SPMIP4: variants seen among roughly 807,000 people sequenced by gnomAD.
SPMIP4 encodes the protein sperm-associated microtubule inner protein 4.
the SPMIP4 span, among the ~76,000 whole-genome samples, chr7:25,129,540 C>CT: frequency 6.6e-6 from 1 of 152,152 alleles, no homozygotes; most frequent in African/African-American, 2.4e-5. Context: ...CCAAGACTGC[C>CT]TTTTTTACCC....
the SPMIP4 span, among the ~76,000 whole-genome samples, chr7:25,139,307 A>G: frequency 4.6e-5 from 7 of 152,186 alleles, no homozygotes; most frequent in East Asian, 1.3e-3. Flanking sequence ...ATGGATGGTT[A>G]GAGGGATGGA....
chr7:25,151,382 C>T, the SPMIP4 span, among the ~76,000 whole-genome samples: 3 of 151,970 alleles, frequency 2.0e-5, no homozygotes, highest in East Asian at 1.9e-4. Flanking sequence ...CCACCACACC[C>T]GGCTAATTTT....
chr7:25,154,123 G>T, the SPMIP4 span, among the ~76,000 whole-genome samples: 1 of 152,178 alleles, frequency 6.6e-6, no homozygotes, highest in African/African-American at 2.4e-5. Flanking sequence ...TAGAATCCAT[G>T]CTCTTACATA....
the SPMIP4 span, among the ~76,000 whole-genome samples, chr7:25,139,386 T>C: frequency 6.6e-6 from 1 of 152,012 alleles, no homozygotes; most frequent in Non-Finnish European, 1.5e-5. Flanking sequence ...GTGGTGAGTA[T>C]ATGGGTGTTA....
the SPMIP4 span, among the ~76,000 whole-genome samples, chr7:25,141,895 G>A: frequency 1.3e-5 from 2 of 151,980 alleles, no homozygotes; most frequent in African/African-American, 2.4e-5. Context: ...GTGCCACCAC[G>A]CCTGGCTAAT....
the SPMIP4 span, among the ~76,000 whole-genome samples, chr7:25,139,051 T>C: frequency 6.6e-6 from 1 of 152,296 alleles, no homozygotes; most frequent in African/African-American, 2.4e-5. Flanking sequence ...TCTGGAATGA[T>C]AGTATTCTGT....
At chr7:25,136,789 T>A in the SPMIP4 span, 1 of 1,607,722 alleles carries the variant, frequency 6.2e-7, no homozygotes, top group Non-Finnish European at 8.5e-7. This position sits in a 1 kb window ranked among gnomAD's most constrained non-coding sequence, Gnocchi z 5.7. Flanking sequence ...GTGGAATTTT[T>A]CTTGCTGTAG....
At chr7:25,155,011 C>CT in the SPMIP4 span, 1 of 1,610,726 alleles carries the variant, frequency 6.2e-7, no homozygotes, top group South Asian at 1.1e-5. Flanking sequence ...CACATTTTAC[C>CT]TCTTGTCTTC....
chr7:25,159,745 G>A, the SPMIP4 span, among the ~76,000 whole-genome samples: 1 of 151,990 alleles, frequency 6.6e-6, no homozygotes, highest in Admixed American at 6.5e-5. Context: ...CTGTGGGCAC[G>A]AAACTAAAAA....
the SPMIP4 span, chr7:25,158,368 CAAA>C: frequency 0.011 from 3,158 of 298,360 alleles, no homozygotes; most frequent in East Asian, 0.019. Context: ...GACTCTGTCT[CAAA>C]AAAAAAAAAA....
the SPMIP4 span, among the ~76,000 whole-genome samples, chr7:25,171,793 C>T: frequency 6.6e-6 from 1 of 152,196 alleles, no homozygotes; most frequent in Non-Finnish European, 1.5e-5. Context: ...AGACCATCTA[C>T]ACAAGAAGCT....
At chr7:25,172,247 C>T in the SPMIP4 span, among the ~76,000 whole-genome samples, 1 of 152,130 alleles carries the variant, frequency 6.6e-6, no homozygotes, top group East Asian at 1.9e-4. The surrounding 1 kb of genome is among the most constrained non-coding windows in gnomAD (Gnocchi z 4.2). Flanking sequence ...CTCAAGCAAG[C>T]TCAGACTGAT....
the SPMIP4 span, among the ~76,000 whole-genome samples, chr7:25,172,467 T>G: frequency 7.2e-5 from 11 of 152,096 alleles, no homozygotes; most frequent in Non-Finnish European, 1.2e-4. The surrounding 1 kb of genome is among the most constrained non-coding windows in gnomAD (Gnocchi z 4.2). Flanking sequence ...TAACAAGGTG[T>G]TTTGGTTACA....
the SPMIP4 span, among the ~76,000 whole-genome samples, chr7:25,165,004 AT>A: frequency 6.6e-5 from 10 of 152,082 alleles, no homozygotes; most frequent in Non-Finnish European, 1.0e-4. Context: ...TCTATGCCAC[AT>A]TTTCTCCATC....
chr7:25,145,062 A>C, the SPMIP4 span, among the ~76,000 whole-genome samples: 1 of 151,156 alleles, frequency 6.6e-6, no homozygotes. Flanking sequence ...TCCCGGGTTC[A>C]AGTGATTCTC....
At chr7:25,168,220 G>A in the SPMIP4 span, 2 of 1,327,686 alleles carry the variant, frequency 1.5e-6, no homozygotes, top group Non-Finnish European at 1.0e-6. Context: ...GCAAACAAAG[G>A]ACTCACAATG....
the SPMIP4 span, chr7:25,136,521 G>A: frequency 1.9e-6 from 3 of 1,614,126 alleles, no homozygotes; most frequent in Non-Finnish European, 2.5e-6. The surrounding 1 kb of genome is among the most constrained non-coding windows in gnomAD (Gnocchi z 5.7). Flanking sequence ...GGAGTTCATA[G>A]GTAGACAGCA....
the SPMIP4 span, among the ~76,000 whole-genome samples, chr7:25,148,833 CATTTA>C: frequency 8.5e-5 from 13 of 152,254 alleles, no homozygotes; most frequent in African/African-American, 3.1e-4. Context: ...GAATTTAAAG[CATTTA>C]ATTAAACAAA....
At chr7:25,177,983 T>C in the SPMIP4 span, among the ~76,000 whole-genome samples, 2 of 152,184 alleles carry the variant, frequency 1.3e-5, no homozygotes, top group African/African-American at 4.8e-5. Context: ...AAGTAGGCCT[T>C]GGTGTCTGTG....
Sources: gnomAD v4.1 joint callset for allele counts (sites outside exome capture counted in the v4.1 genomes callset) on GRCh38, gnomAD v4.1.1 for gene constraint, Gnocchi (gnomAD v3.1) non-coding constraint, MANE v1.5 for transcripts, NCBI Gene and HGNC (gene_info 2026-07-23, HGNC 2026-07-21) for gene names.